The following ESR1 variants were observed in gnomAD, a reference collection of about 807,000 sequenced individuals.
The protein encoded by ESR1 is estrogen receptor.
A neutral mutation model predicts 52.7 loss-of-function variants in ESR1; 12 were observed. That is an observed-to-expected ratio of 0.23 (90% confidence interval 0.15 to 0.37). ESR1 has a LOEUF of 0.37. Ranked by LOEUF, ESR1 falls within the 10% of genes least tolerant of loss-of-function variation. The probability of loss-of-function intolerance (pLI) is 1.00; values close to 1 mark genes in which losing one functional copy is unlikely to be tolerated. For synonymous variants in ESR1, 305 were observed against 316.8 expected, an observed-to-expected ratio of 0.96 and a Z score of 0.39; for missense variants, 584 against 779.7, an observed-to-expected ratio of 0.75 and a Z score of 2.99.
chr6:151,851,495 A>G (rs1786696348), intron 2 of ESR1, among the ~76,000 whole-genome samples: 1 of 150,920 alleles, frequency 6.6e-6, no homozygotes, highest in South Asian at 2.1e-4. Context: ...CAAAAACATT[A>G]TACTTTTTCA....
At chr6:151,792,696 C>T (rs1025384285) in intron 2 of ESR1, among the ~76,000 whole-genome samples, 1 of 152,172 alleles carries the variant, frequency 6.6e-6, no homozygotes, top group African/African-American at 2.4e-5. Flanking sequence ...GCCTCAGCCT[C>T]CCAGCATGCT....
At chr6:151,916,076 G>A (rs1584202528) in intron 3 of ESR1, among the ~76,000 whole-genome samples, 3 of 152,262 alleles carry the variant, frequency 2.0e-5, no homozygotes, top group Middle Eastern at 3.4e-3. Flanking sequence ...TGCCTGCATC[G>A]AGATGCATTA....
chr6:151,753,865 A>G (rs937750870), intron 2 of ESR1, among the ~76,000 whole-genome samples: 1 of 152,080 alleles, frequency 6.6e-6, no homozygotes, highest in Non-Finnish European at 1.5e-5. Context: ...GTACTTGCCC[A>G]CTTTTCCTCT....
At chr6:152,073,303 AAAT>A (rs2048490097) in intron 6 of ESR1, among the ~76,000 whole-genome samples, 1 of 152,334 alleles carries the variant, frequency 6.6e-6, no homozygotes, top group East Asian at 1.9e-4. Context: ...GAAGATCATG[AAAT>A]AATAGGAATG....
intron 6 of ESR1, chr6:152,122,823 C>G: frequency 8.4e-7 from 1 of 1,186,934 alleles, no homozygotes; most frequent in Non-Finnish European, 1.2e-6. Context: ...ACAGTGTGCC[C>G]AGGTCACCCC....
chr6:151,998,929 C>T (rs753094599), intron 4 of ESR1, among the ~76,000 whole-genome samples: 2 of 152,040 alleles, frequency 1.3e-5, no homozygotes, highest in Non-Finnish European at 2.9e-5. Context: ...ATGTCATGGA[C>T]AGAACCCACA....
At chr6:151,830,362 A>G (rs989828827) in intron 1 of ESR1, among the ~76,000 whole-genome samples, 16 of 152,144 alleles carry the variant, frequency 1.1e-4, no homozygotes, top group Admixed American at 2.0e-4. Flanking sequence ...TGCTCACTCA[A>G]TGCTGTTGAA....
intron 1 of ESR1, among the ~76,000 whole-genome samples, chr6:151,683,101 G>T (rs1778520655): frequency 6.6e-6 from 1 of 152,096 alleles, no homozygotes; most frequent in African/African-American, 2.4e-5. Flanking sequence ...TGTCAATACT[G>T]GGCTGCTTAA....
intron 2 of ESR1, among the ~76,000 whole-genome samples, chr6:151,798,468 A>G (rs1776919221): frequency 6.6e-6 from 1 of 152,234 alleles, no homozygotes; most frequent in Non-Finnish European, 1.5e-5. Context: ...TATGGTACAA[A>G]AACCTACTGA....
At position 151,965,528 on chromosome 6, in the gene ESR1, TGA is replaced by T. The variant is rs568453349; in HGVS notation, c.1096+21024_1096+21025del. 2.0e-5 allele frequency among the ~76,000 whole-genome samples: 3 copies of T among 152,172 alleles called. No individual in the cohort carries two copies. The South Asian group carries it at 6.2e-4, about 31-fold the overall frequency. On this transcript the variant is annotated intron_variant, in intron 4 of 7. Coordinates refer to ENST00000206249, the MANE Select transcript of ESR1 (RefSeq NM_000125.4). Reference sequence around the variant, plus strand: ...GATCATTTTATTGCCTCCCAATTGTTGAGAGTAAGGAATTTAGTACATATACC... The same window carrying T: ...GATCATTTTATTGCCTCCCAATTGTTGAGTAAGGAATTTAGTACATATACC...
chr6:152,041,711 A>G (rs1176278679), intron 5 of ESR1, among the ~76,000 whole-genome samples: 2 of 152,256 alleles, frequency 1.3e-5, no homozygotes, highest in African/African-American at 2.4e-5. Flanking sequence ...GAGAAAAACT[A>G]TCAAGATCTC....
Position 152,099,102 on chromosome 6 carries a change from C to T in ESR1, c.*136C>T. The T allele has an allele frequency of 5.6e-6, 4 of 712,936 alleles. No homozygotes were observed. Among genetic ancestry groups the T allele is most frequent in the Non-Finnish European group, 9.9e-6 (4 of 403,928 alleles). 44.2% of individuals were successfully genotyped at this position (712,936 alleles called of 1,614,324 possible). The stretch of plus-strand genomic sequence containing the variant: ...ACCAATGGCTTTCTAGATGAGTGGC[C>T]ATTCATTTGCTTGCTCAGTTCTTAG... On this transcript the variant is annotated 3_prime_UTR_variant, in exon 8 of 8. Transcript: ENST00000206249.
intron 2 of ESR1, among the ~76,000 whole-genome samples, chr6:151,795,362 A>G (rs1271559942): frequency 1.3e-5 from 2 of 151,722 alleles, no homozygotes; most frequent in Admixed American, 1.3e-4. Flanking sequence ...TGGTGCATAC[A>G]TGTAATCCCA....
At chr6:152,030,546 A>G (rs1194612353) in intron 5 of ESR1, among the ~76,000 whole-genome samples, 1 of 152,248 alleles carries the variant, frequency 6.6e-6, no homozygotes, top group Non-Finnish European at 1.5e-5. Flanking sequence ...AAAGAAGGCC[A>G]TTACATAATA....
rs139914553 is a variant in ESR1 at position 151,871,285 on chromosome 6, A to G, written c.644-9370A>G. ...AAAATTGTGATAAGATATACATAAT[A>G]TGAAATTTACTACTTTAATCATTTT... is the stretch of plus-strand genomic sequence containing the variant. On this transcript the variant is annotated intron_variant, in intron 2 of 7. Coordinates refer to ENST00000206249, the MANE Select transcript of ESR1 (RefSeq NM_000125.4). Among the ~76,000 whole-genome samples the G allele has an allele frequency of 3.2e-3, 488 of 152,274 alleles. 3 individuals carry two copies. Among genetic ancestry groups the G allele is most frequent in the South Asian group, 9.9e-3 (48 of 4,832 alleles).
rs571355100 is a variant in ESR1, at chr6:152,038,466, C to T, written c.1236-22525C>T. Among the ~76,000 whole-genome samples the T allele has an allele frequency of 3.5e-4, 53 of 152,286 alleles. 1 individual carries two copies. Among genetic ancestry groups the T allele is most frequent in the African/African-American group, 1.3e-3 (53 of 41,552 alleles). On this transcript the variant is annotated intron_variant, in intron 5 of 7. Coordinates refer to ENST00000206249, the MANE Select transcript of ESR1 (RefSeq NM_000125.4). Reference sequence around the variant, plus strand: ...TCCACACCTTGTCAACTTGATCCCACATACATCTCCTTAAATCATACATGA... The same window carrying T: ...TCCACACCTTGTCAACTTGATCCCATATACATCTCCTTAAATCATACATGA...
chr6:151,732,117 A>C (rs1171215239), intron 2 of ESR1, among the ~76,000 whole-genome samples: 1 of 152,250 alleles, frequency 6.6e-6, no homozygotes, highest in Non-Finnish European at 1.5e-5. Context: ...TCTTCAAGTT[A>C]GAAATGATAA....
At chr6:152,095,197 TG>T (rs899951389) in intron 7 of ESR1, among the ~76,000 whole-genome samples, 11 of 152,230 alleles carry the variant, frequency 7.2e-5, no homozygotes, top group Admixed American at 1.3e-4. Flanking sequence ...GTCATCCTCC[TG>T]CTTAAAACCC....
At chr6:151,828,086 A>T (rs1310607644) in intron 1 of ESR1, among the ~76,000 whole-genome samples, 4 of 152,156 alleles carry the variant, frequency 2.6e-5, no homozygotes, top group Non-Finnish European at 5.9e-5. Context: ...TCCAAAATTA[A>T]AATTTATTTT....
Sources: allele counts gnomAD v4.1 joint callset (sites outside exome capture counted in the v4.1 genomes callset), GRCh38; gene constraint gnomAD v4.1.1; transcripts MANE v1.5; gene names NCBI Gene and HGNC (gene_info 2026-07-23, HGNC 2026-07-21).